ASCC3: variants seen among roughly 807,000 people sequenced by gnomAD.
ASCC3 encodes ASC-1 complex subunit P200.
ASCC3 carries 158 observed loss-of-function variants against 256.3 expected under a neutral mutation model. The observed-to-expected ratio is 0.62, with a 90% CI of 0.54 to 0.70. The LOEUF (loss-of-function observed/expected upper bound fraction) is 0.70. ASCC3 is among the 30% of genes least tolerant of loss of function. ASCC3 has a pLI of 0.00. For missense variants in ASCC3, 2,259 were observed against 2,626.0 expected, an observed-to-expected ratio of 0.86 and a Z score of 3.05; for synonymous variants, 948 against 883.4, an observed-to-expected ratio of 1.07 and a Z score of -1.30.
intron 14 of ASCC3, among the ~76,000 whole-genome samples, chr6:100,675,643 C>A (rs1166607764): frequency 2.0e-5 from 3 of 152,186 alleles, no homozygotes; most frequent in African/African-American, 7.2e-5. Flanking sequence ...CTATTGGATT[C>A]TTCCTCTTTT....
chr6:100,709,653 G>A (rs1250063030), intron 13 of ASCC3, among the ~76,000 whole-genome samples: 1 of 151,956 alleles, frequency 6.6e-6, no homozygotes, highest in African/African-American at 2.4e-5. Context: ...AGACCATGTA[G>A]AAACATTAAA....
chr6:100,802,400 T>G (rs554542378), intron 5 of ASCC3, among the ~76,000 whole-genome samples: 1 of 152,062 alleles, frequency 6.6e-6, no homozygotes, highest in Admixed American at 6.6e-5. Context: ...TTTTGCCTTC[T>G]GCCATGATTG....
intron 36 of ASCC3, among the ~76,000 whole-genome samples, chr6:100,588,997 C>A (rs564819594): frequency 6.6e-6 from 1 of 151,734 alleles, no homozygotes; most frequent in Non-Finnish European, 1.5e-5. Flanking sequence ...TAAATTATTA[C>A]ACTTAAAATC....
intron 1 of ASCC3, among the ~76,000 whole-genome samples, chr6:100,876,763 T>C (rs560140110): frequency 1.3e-5 from 2 of 152,232 alleles, no homozygotes; most frequent in African/African-American, 4.8e-5. Flanking sequence ...CCAGAACAAA[T>C]ATAATTTCTA....
Position 100,758,188 on chromosome 6 carries a change from T to C in ASCC3, c.1737+8377A>G, listed in dbSNP as rs144502908. Among the ~76,000 whole-genome samples, 58 of 152,310 alleles carry C rather than the reference T, an allele frequency of 3.8e-4. 2 individuals are homozygous for C. In the East Asian group the frequency reaches 0.011, roughly 29 times the overall value. On this transcript the variant is annotated intron_variant, in intron 10 of 41. Transcript: ENST00000369162. ...CAAATGAGACGATACATATAGCAGA[T>C]GCTAACTCTGAGATGACAAAGATGT...
chr6:100,671,981 T>C (rs1327932531), intron 14 of ASCC3, among the ~76,000 whole-genome samples: 1 of 152,030 alleles, frequency 6.6e-6, no homozygotes, highest in African/African-American at 2.4e-5. Flanking sequence ...TCTTGATTTG[T>C]TTTTCTTATT....
At chr6:100,658,034 A>G (rs1001022731) in intron 16 of ASCC3, among the ~76,000 whole-genome samples, 1 of 151,598 alleles carries the variant, frequency 6.6e-6, no homozygotes, top group East Asian at 1.9e-4. Context: ...TGTGCTGAGT[A>G]AAGCACAATG....
intron 36 of ASCC3, among the ~76,000 whole-genome samples, chr6:100,571,514 T>C (rs1770591840): frequency 6.6e-6 from 1 of 152,196 alleles, no homozygotes; most frequent in African/African-American, 2.4e-5. Context: ...TGCTGTATCC[T>C]CCATGGCTGG....
intron 5 of ASCC3, 113 bp from the exon 6 acceptor site, chr6:100,800,617 T>G: frequency 2.5e-6 from 2 of 803,570 alleles, no homozygotes; most frequent in Non-Finnish European, 3.9e-6. Context: ...TACAATTCAT[T>G]TTTTAAAGCT....
chr6:100,631,276 A>T, intron 25 of ASCC3, 63 bp from the exon 26 acceptor site: 1 of 1,329,222 alleles, frequency 7.5e-7, no homozygotes, highest in Non-Finnish European at 1.1e-6. Context: ...TTGAAATAAA[A>T]GTAAACTCCA....
At chr6:100,675,130 G>GT (rs562151800) in intron 14 of ASCC3, among the ~76,000 whole-genome samples, 66,142 of 143,534 alleles carry the variant, frequency 0.46, 14,784 homozygotes, top group South Asian at 0.61. Context: ...GCAAACAGTT[G>GT]TTTTTTTTTT....
At chr6:100,521,424 A>T (rs1346201453) in intron 37 of ASCC3, among the ~76,000 whole-genome samples, 1 of 152,206 alleles carries the variant, frequency 6.6e-6, no homozygotes, top group Non-Finnish European at 1.5e-5. Context: ...AAGAAAAAAT[A>T]AATTCATGTT....
intron 36 of ASCC3, among the ~76,000 whole-genome samples, chr6:100,583,746 C>A (rs540987025): frequency 6.6e-6 from 1 of 152,164 alleles, no homozygotes; most frequent in East Asian, 1.9e-4. Flanking sequence ...TTTCCCTCTA[C>A]ACACTGCTTT....
chr6:100,744,729 G>A (rs775918229), intron 10 of ASCC3, among the ~76,000 whole-genome samples: 1 of 152,050 alleles, frequency 6.6e-6, no homozygotes, highest in Non-Finnish European at 1.5e-5. Flanking sequence ...TTTCCAAAGG[G>A]AAAAATTTGG....
At chr6:100,560,771 A>ACACACACACACACACACACACG (rs1769894097) in intron 36 of ASCC3, among the ~76,000 whole-genome samples, 1 of 151,528 alleles carries the variant, frequency 6.6e-6, no homozygotes, top group Non-Finnish European at 1.5e-5. Flanking sequence ...ACACACACAC[A>ACACACACACACACACACACACG]CACACACACA....
At position 100,767,334 on chromosome 6, in the gene ASCC3, C is replaced by G. The variant is rs746240672; in HGVS notation, c.1407G>C (p.Leu469=). 6 of 1,541,426 alleles carry G rather than the reference C, an allele frequency of 3.9e-6. No homozygotes were observed. Among genetic ancestry groups the G allele is most frequent in the Non-Finnish European group, 5.2e-6 (6 of 1,150,452 alleles). ...TGAGTCTCTTCATTCCTTTAAAAGC[C>G]AGCTGTCCGATCTAAAAAAAAAAGG... ...YIQDLDEIGQ[L]AFKGMKRLNR... is the part of the protein sequence containing the mutation. Residue 469 remains leucine, a synonymous_variant, in exon 9 of 42, where the codon CTG becomes CTC. Coordinates refer to ENST00000369162, the MANE Select transcript of ASCC3 (RefSeq NM_006828.4).
rs1265407828 is a variant in ASCC3, at chr6:100,647,320, T to C, written c.3384A>G (p.Arg1128=). The part of the protein sequence containing the change: ...KRLWGWASPL[R]QFSILPPHIL... The stretch of plus-strand genomic sequence containing the variant: ...TGTGTGGTGGTAGGATTGAAAATTG[T>C]CTCAAAGGGCTAGCCCAACCCCAAA... Residue 1128 remains arginine (R), a synonymous_variant, in exon 21 of 42, where the codon AGA becomes AGG. Coordinates refer to ENST00000369162, the MANE Select transcript of ASCC3 (RefSeq NM_006828.4). 1 of 1,613,914 alleles carries C rather than the reference T, an allele frequency of 6.2e-7. No individual in the cohort carries two copies. The highest frequency in any genetic ancestry group is 1.3e-5 in the African/African-American group (1 of 74,912).
At chr6:100,763,958 G>A (rs561166994) in intron 10 of ASCC3, among the ~76,000 whole-genome samples, 1 of 125,440 alleles carries the variant, frequency 8.0e-6, no homozygotes, top group Non-Finnish European at 1.9e-5. Flanking sequence ...ATAAGTCTAA[G>A]TAGATTTTTT....
chr6:100,776,044 ACT>A (rs1338622247), intron 8 of ASCC3, among the ~76,000 whole-genome samples: 1 of 151,960 alleles, frequency 6.6e-6, no homozygotes, highest in African/African-American at 2.4e-5. Flanking sequence ...TTATATCAAA[ACT>A]CTATTTTACT....
Sources: gnomAD v4.1 joint callset for allele counts (sites outside exome capture counted in the v4.1 genomes callset) on GRCh38, gnomAD v4.1.1 for gene constraint, MANE v1.5 for transcripts, NCBI Gene and HGNC (gene_info 2026-07-23, HGNC 2026-07-21) for gene names.